The following RPS6KB1 variants were observed in gnomAD, a reference collection of about 807,000 sequenced individuals.
RPS6KB1 encodes the protein ribosomal protein S6 kinase B1, also known as ribosomal protein S6 kinase beta-1.
Under a neutral mutation model 70.2 loss-of-function variants are expected in RPS6KB1, and 12 were observed. That is an observed-to-expected ratio of 0.17 (90% confidence interval 0.11 to 0.28). RPS6KB1 has a LOEUF of 0.28. RPS6KB1 is among the 10% of genes least tolerant of loss of function. The probability of loss-of-function intolerance (pLI) is 1.00; values close to 1 mark genes in which losing one functional copy is unlikely to be tolerated. For synonymous variants in RPS6KB1, 175 were observed against 211.2 expected (o/e 0.83, Z 1.49); for missense variants, 270 against 646.6 (o/e 0.42, Z 6.32).
intron 13 of RPS6KB1, among the ~76,000 whole-genome samples, chr17:59,942,337 T>C (rs1165355573): frequency 1.3e-5 from 2 of 152,248 alleles, no homozygotes; most frequent in African/African-American, 4.8e-5. Context: ...TAGAAATGTC[T>C]GTATAGATTT....
chr17:59,908,613 A>ATT (rs546677930), intron 1 of RPS6KB1, among the ~76,000 whole-genome samples: 4,037 of 105,894 alleles, frequency 0.038, 184 homozygotes, highest in African/African-American at 0.086. Flanking sequence ...TGTAAAAAAA[A>ATT]TTTTTTTTTT....
chr17:59,901,704 C>G (rs2041962898), intron 1 of RPS6KB1, among the ~76,000 whole-genome samples: 1 of 150,922 alleles, frequency 6.6e-6, no homozygotes, highest in Non-Finnish European at 1.5e-5. Context: ...TCACCCTCAG[C>G]CCCAGGCAAC....
Position 59,946,676 on chromosome 17 carries a change from G to C in RPS6KB1, c.1466G>C (p.Ser489Thr). 1.2e-6 allele frequency: 2 copies of C among 1,614,180 alleles called. No homozygotes were observed. The highest frequency in any genetic ancestry group is 1.7e-6 in the Non-Finnish European group (2 of 1,180,030). The stretch of plus-strand genomic sequence containing the variant: ...ATAGAGCAGATGGATGTGACAATGA[G>C]TGGGGAAGCATCGGCACCACTTCCA... ...SGIEQMDVTM[S>T]GEASAPLPIR... The change falls in exon 15 of 15, where the codon AGT (serine) becomes ACT (threonine). Residue 489 changes from serine (S) to threonine (T), a missense_variant. By Grantham distance (58) the Ser-to-Thr change is moderately conservative. This residue lies in a region of RPS6KB1 where 133 missense variants were observed against 314.7 expected (regional missense o/e 0.42). Coordinates refer to ENST00000225577, the MANE Select transcript of RPS6KB1 (RefSeq NM_003161.4). This position sits in a 1 kb window ranked among gnomAD's most constrained non-coding sequence, Gnocchi z 4.2.
rs920192902 is a variant in RPS6KB1, at chr17:59,932,399, C to T, written c.688+677C>T. Among the ~76,000 whole-genome samples the T allele has an allele frequency of 1.3e-4, 20 of 151,802 alleles. 1 individual carries two copies. The highest frequency in any genetic ancestry group is 4.2e-4 in the South Asian group (2 of 4,816). On this transcript the variant is annotated intron_variant, in intron 7 of 14. Transcript: ENST00000225577. ...TATACTCCAGCCTGAGTGAAAAGAG[C>T]GAGACTCCGTCTCAAAAAAAAAGAA...
At chr17:59,943,325 C>T (rs1431276366) in intron 13 of RPS6KB1, among the ~76,000 whole-genome samples, 1 of 152,094 alleles carries the variant, frequency 6.6e-6, no homozygotes, top group East Asian at 1.9e-4. Flanking sequence ...TTTGATTTAA[C>T]ATAGAGACCT....
intron 7 of RPS6KB1, among the ~76,000 whole-genome samples, chr17:59,931,962 CTT>C (rs753653335): frequency 6.6e-6 from 1 of 152,048 alleles, no homozygotes. Flanking sequence ...AATCCTTACT[CTT>C]TATAGTTTTT....
rs1486892606 is a variant in RPS6KB1, at chr17:59,936,440, T to C, written c.1042-24T>C. 1.9e-6 allele frequency: 3 copies of C among 1,610,638 alleles called. No individual in the cohort carries two copies. In the African/African-American group the frequency reaches 4.0e-5, roughly 22 times the overall value. On this transcript the variant is annotated intron_variant, in intron 11 of 14. Coordinates refer to ENST00000225577, the MANE Select transcript of RPS6KB1 (RefSeq NM_003161.4). Reference sequence around the variant, plus strand: ...CAGCAAAGTCTAGTCCCCTCAACTTTTCTTCCTGCTTTTTTTTTCCTAGGC... The same window carrying C: ...CAGCAAAGTCTAGTCCCCTCAACTTCTCTTCCTGCTTTTTTTTTCCTAGGC...
chr17:59,931,544 A>G, intron 6 of RPS6KB1, 78 bp from the exon 7 acceptor site: 10 of 1,124,016 alleles, frequency 8.9e-6, no homozygotes, highest in Non-Finnish European at 1.3e-5. Context: ...GTTTCTTTCA[A>G]GGAATTTTGC....
At chr17:59,923,107 C>T (rs1461137373) in intron 4 of RPS6KB1, among the ~76,000 whole-genome samples, 1 of 151,876 alleles carries the variant, frequency 6.6e-6, no homozygotes, top group Non-Finnish European at 1.5e-5. Flanking sequence ...CATGATCTGC[C>T]CGCCTCAGCC....
At chr17:59,898,536 C>T (rs1013776300) in intron 1 of RPS6KB1, among the ~76,000 whole-genome samples, 1 of 151,920 alleles carries the variant, frequency 6.6e-6, no homozygotes, top group Admixed American at 6.6e-5. Flanking sequence ...TCACTGCAAC[C>T]TCTGCCTCCT....
At chr17:59,932,451 T>G (rs1210248806) in intron 7 of RPS6KB1, among the ~76,000 whole-genome samples, 1 of 152,074 alleles carries the variant, frequency 6.6e-6, no homozygotes, top group Non-Finnish European at 1.5e-5. Flanking sequence ...AAGCTATGCT[T>G]CTTACAGTAG....
chr17:59,912,756 A>G lies in RPS6KB1; in HGVS notation c.264A>G (p.Pro88=), dbSNP rs2042723232. Residue 88 remains proline (P), a synonymous_variant, in exon 3 of 15, where the codon CCA becomes CCG. Coordinates refer to ENST00000225577, the MANE Select transcript of RPS6KB1 (RefSeq NM_003161.4). Reference sequence around the variant, plus strand: ...ACAGAGGGCCAGAAAAAATCAGACCAGAATGTTTTGAGCTACTTCGGGTAC... The same window carrying G: ...ACAGAGGGCCAGAAAAAATCAGACCGGAATGTTTTGAGCTACTTCGGGTAC... The part of the protein sequence containing the change: ...SVNRGPEKIR[P]ECFELLRVLG... The G allele has an allele frequency of 6.2e-7, 1 of 1,614,026 alleles. No individual in the cohort carries two copies. The highest frequency in any genetic ancestry group is 8.5e-7 in the Non-Finnish European group (1 of 1,180,010).
In RPS6KB1 at chr17:59,935,303, A is replaced by G. The variant is rs199721171; in HGVS notation, c.978+3A>G. The G allele has an allele frequency of 1.0e-4, 151 of 1,517,510 alleles. No homozygotes were observed. The Middle Eastern group carries it at 1.2e-3, about 12-fold the overall frequency. 94.0% of individuals were successfully genotyped at this position (1,517,510 alleles called of 1,614,324 possible). Reference sequence around the variant, plus strand: ...AAGCCAGAGATCTGCTTAAAAAGGTAAGGTTCTTAAATGGTCACTGACACT... The same window carrying G: ...AAGCCAGAGATCTGCTTAAAAAGGTGAGGTTCTTAAATGGTCACTGACACT... On this transcript the variant is annotated splice_donor_region_variant and intron_variant, in intron 10 of 14. Transcript: ENST00000225577.
At chr17:59,919,244 G>A (rs987322676) in intron 4 of RPS6KB1, among the ~76,000 whole-genome samples, 1 of 152,164 alleles carries the variant, frequency 6.6e-6, no homozygotes, top group Non-Finnish European at 1.5e-5. Flanking sequence ...TGTCTGTAGG[G>A]CTGGGTGTGG....
At chr17:59,931,528 A>C (rs774203660) in intron 6 of RPS6KB1, 94 bp from the exon 7 acceptor site, 2 of 930,426 alleles carry the variant, frequency 2.1e-6, no homozygotes, top group Non-Finnish European at 3.5e-6. Context: ...TCTTTGGTGC[A>C]TGTCTGTTTC....
intron 10 of RPS6KB1, among the ~76,000 whole-genome samples, chr17:59,935,788 G>A (rs1213361149): frequency 6.7e-6 from 1 of 149,542 alleles, no homozygotes; most frequent in Non-Finnish European, 1.5e-5. Context: ...GTAGTAATTA[G>A]TAAACTATAT....
chr17:59,915,212 TC>T (rs2042872119), intron 4 of RPS6KB1, among the ~76,000 whole-genome samples: 1 of 151,586 alleles, frequency 6.6e-6, no homozygotes, highest in African/African-American at 2.4e-5. Flanking sequence ...ATGGTCTTGA[TC>T]TCCTGACCTC....
At chr17:59,905,246 G>A (rs1196174859) in intron 1 of RPS6KB1, among the ~76,000 whole-genome samples, 1 of 151,550 alleles carries the variant, frequency 6.6e-6, no homozygotes. Context: ...GAGCTCAAGT[G>A]ATATGCCCAC....
chr17:59,932,272 C>T (rs1486400209), intron 7 of RPS6KB1, among the ~76,000 whole-genome samples: 2 of 151,204 alleles, frequency 1.3e-5, no homozygotes, highest in East Asian at 3.9e-4. Flanking sequence ...ATTAGCTGGG[C>T]ATGATGGTGG....
Sources: allele counts gnomAD v4.1 joint callset (sites outside exome capture counted in the v4.1 genomes callset), GRCh38; gene constraint gnomAD v4.1.1; regional missense constraint gnomAD v4.1.1; non-coding constraint Gnocchi (gnomAD v3.1); transcripts MANE v1.5; gene names NCBI Gene and HGNC (gene_info 2026-07-23, HGNC 2026-07-21).